PXDNL: variants seen among roughly 807,000 people sequenced by gnomAD.
PXDNL encodes the protein probable oxidoreductase PXDNL.
Under a neutral mutation model 150.8 loss-of-function variants are expected in PXDNL, and 145 were observed. The observed-to-expected ratio is 0.96, with a 90% CI of 0.84 to 1.10. The LOEUF (loss-of-function observed/expected upper bound fraction) is 1.10, where lower values mean the gene tolerates loss of function less well. Ranked by LOEUF, PXDNL falls within the 50% of genes least tolerant of loss-of-function variation. The pLI, the probability that PXDNL is intolerant of heterozygous loss-of-function variation, is 0.00. For synonymous variants in PXDNL, 757 were observed against 725.7 expected (o/e 1.04, Z -0.69); for missense variants, 2,087 against 1,873.9 (o/e 1.11, Z -2.10).
At chr8:51,522,417 G>A (rs1301584681) in intron 4 of PXDNL, among the ~76,000 whole-genome samples, 1 of 152,124 alleles carries the variant, frequency 6.6e-6, no homozygotes, top group African/African-American at 2.4e-5. Flanking sequence ...AGACTGGCAC[G>A]CTGAGCTCCA....
intron 21 of PXDNL, among the ~76,000 whole-genome samples, chr8:51,329,507 G>A (rs1805615869): frequency 1.3e-5 from 2 of 152,100 alleles, no homozygotes; most frequent in East Asian, 1.9e-4. Context: ...GTGCTCCAAA[G>A]GAAGGGAAAA....
At chr8:51,750,840 C>G (rs1176524863) in intron 1 of PXDNL, among the ~76,000 whole-genome samples, 2 of 152,260 alleles carry the variant, frequency 1.3e-5, no homozygotes, top group East Asian at 3.9e-4. Flanking sequence ...GTACTATCCG[C>G]GGTTTCGGGC....
chr8:51,567,413 C>T (rs1812852181), intron 3 of PXDNL, among the ~76,000 whole-genome samples: 1 of 151,822 alleles, frequency 6.6e-6, no homozygotes, highest in Non-Finnish European at 1.5e-5. Context: ...TTTCTTCTTG[C>T]AGCTCTAACA....
intron 1 of PXDNL, among the ~76,000 whole-genome samples, chr8:51,762,799 G>T (rs2037178829): frequency 6.6e-6 from 1 of 152,140 alleles, no homozygotes; most frequent in Non-Finnish European, 1.5e-5. Context: ...CTCATATTTG[G>T]CTCAGAATAA....
At chr8:51,681,482 G>A (rs981765805) in intron 1 of PXDNL, among the ~76,000 whole-genome samples, 1 of 152,196 alleles carries the variant, frequency 6.6e-6, no homozygotes. Context: ...GAGTCTACAT[G>A]CATCCTCTGG....
chr8:51,661,484 C>T (rs1337049246), intron 1 of PXDNL, among the ~76,000 whole-genome samples: 1 of 152,204 alleles, frequency 6.6e-6, no homozygotes, highest in African/African-American at 2.4e-5. Flanking sequence ...AGTTGGGCCT[C>T]ATCCAGTCAG....
At chr8:51,576,916 C>T (rs1179909556) in intron 3 of PXDNL, among the ~76,000 whole-genome samples, 1 of 151,784 alleles carries the variant, frequency 6.6e-6, no homozygotes, top group Non-Finnish European at 1.5e-5. Flanking sequence ...GGACAACTTC[C>T]TCAAAAAGCA....
intron 1 of PXDNL, among the ~76,000 whole-genome samples, chr8:51,789,995 T>C (rs2129254869): frequency 6.6e-6 from 1 of 152,328 alleles, no homozygotes; most frequent in South Asian, 2.1e-4. Flanking sequence ...CAATCTAAGA[T>C]GTAACAAGAC....
chr8:51,536,377 CTT>C (rs199878488), intron 4 of PXDNL, among the ~76,000 whole-genome samples: 7,207 of 152,174 alleles, frequency 0.047, 282 homozygotes, highest in East Asian at 0.22. Flanking sequence ...GTAATGTATG[CTT>C]AATTATATAC....
chr8:51,791,110 C>T (rs1563322401), intron 1 of PXDNL, among the ~76,000 whole-genome samples: 1 of 152,140 alleles, frequency 6.6e-6, no homozygotes, highest in Non-Finnish European at 1.5e-5. Context: ...CAAAGACACA[C>T]AGCTCATAAA....
At chr8:51,460,203 T>C (rs755908807) in intron 8 of PXDNL, among the ~76,000 whole-genome samples, 2 of 150,566 alleles carry the variant, frequency 1.3e-5, no homozygotes, top group Non-Finnish European at 3.0e-5. Flanking sequence ...GAACTATAAT[T>C]GTGCCACTGA....
At chr8:51,752,567 C>A (rs967894462) in intron 1 of PXDNL, among the ~76,000 whole-genome samples, 7 of 152,144 alleles carry the variant, frequency 4.6e-5, no homozygotes, top group Admixed American at 1.3e-4. Context: ...TAATACAGAT[C>A]ATGTATGCCA....
At position 51,409,165 on chromosome 8, in the gene PXDNL, G is replaced by T; in HGVS notation, c.2459C>A (p.Ala820Glu). The T allele has an allele frequency of 6.2e-7, 1 of 1,600,172 alleles. No homozygotes were observed. The highest frequency in any genetic ancestry group is 2.2e-5 in the East Asian group (1 of 44,536). ...LEHDLDHTVPALSTARFSDGR... is the reference protein window; with the variant it reads ...LEHDLDHTVPELSTARFSDGR... ...ATCCGAGAAGCGGGCTGTGCTCAGC[G>T]CAGGCACTGTGTGGTCCAAGTCGTG... The change falls in exon 17 of 23, where the codon GCG becomes GAG. Residue 820 changes from alanine (A) to glutamate (E), a missense_variant. By Grantham distance (107) the Ala-to-Glu change is moderately radical (BLOSUM62 -1). Transcript: ENST00000356297.
In PXDNL at chr8:51,556,923, A is replaced by G. The variant is rs1812613152; in HGVS notation, c.309-12T>C. On this transcript the variant is annotated splice_polypyrimidine_tract_variant and intron_variant, in intron 3 of 22. Transcript: ENST00000356297. ...TCTTATACAGGTACCTGGAAAATAT[A>G]TAGAATGTCATTAAATTATAAATTA... The G allele has an allele frequency of 7.1e-7, 1 of 1,416,254 alleles. No homozygotes were observed. Among genetic ancestry groups the G allele is most frequent in the Admixed American group, 1.7e-5 (1 of 58,906 alleles). The allele number at this position is 1,416,254 out of a possible 1,614,324, so 87.7% of individuals were successfully genotyped here.
Position 51,584,179 on chromosome 8 carries a change from A to G in PXDNL, c.308+8448T>C, listed in dbSNP as rs138343032. 1.0e-3 allele frequency among the ~76,000 whole-genome samples: 156 copies of G among 152,332 alleles called. 4 individuals are homozygous for G. The highest frequency in any genetic ancestry group is 3.5e-3 in the African/African-American group (146 of 41,576). On this transcript the variant is annotated intron_variant, in intron 3 of 22. Coordinates refer to ENST00000356297, the MANE Select transcript of PXDNL (RefSeq NM_144651.5). Reference sequence around the variant, plus strand: ...GATGGCAAATCTGTACAAGATGACAATCAGGATGCTTGATGAAAACGGATT... The same window carrying G: ...GATGGCAAATCTGTACAAGATGACAGTCAGGATGCTTGATGAAAACGGATT...
At chr8:51,684,669 C>T (rs987969406) in intron 1 of PXDNL, among the ~76,000 whole-genome samples, 1 of 152,164 alleles carries the variant, frequency 6.6e-6, no homozygotes, top group African/African-American at 2.4e-5. Flanking sequence ...ATTACATGAG[C>T]TCTTTAAATC....
chr8:51,705,270 A>T lies in PXDNL; in HGVS notation c.165-50510T>A, dbSNP rs536336506. On this transcript the variant is annotated intron_variant, in intron 1 of 22. Transcript: ENST00000356297. ...TTCTCTATGTCCGGGCTCTCTCTTC[A>T]CCTTAACATTTGAGAATAGCCCTCA... Among the ~76,000 whole-genome samples the T allele has an allele frequency of 7.6e-4, 116 of 152,212 alleles. 1 individual carries two copies. The South Asian group carries it at 0.024, about 31-fold the overall frequency.
chr8:51,806,783 C>T (rs1389351107), intron 1 of PXDNL, among the ~76,000 whole-genome samples: 1 of 152,134 alleles, frequency 6.6e-6, no homozygotes, highest in East Asian at 1.9e-4. Flanking sequence ...CCCCAAAGGC[C>T]ATCAATTAGC....
Position 51,672,064 on chromosome 8 carries a change from A to C in PXDNL, c.165-17304T>G, listed in dbSNP as rs112710153. ...TGTTGCCATCTCAGCTCACCACAAAATTCGCCTCCCAGGTTCAAGCGATTC... is the reference window on the plus strand; with the variant it reads ...TGTTGCCATCTCAGCTCACCACAAACTTCGCCTCCCAGGTTCAAGCGATTC... On this transcript the variant is annotated intron_variant, in intron 1 of 22. Coordinates refer to ENST00000356297, the MANE Select transcript of PXDNL (RefSeq NM_144651.5). Among the ~76,000 whole-genome samples the C allele has an allele frequency of 1.0e-3, 152 of 152,168 alleles. 1 individual carries two copies. Among genetic ancestry groups the C allele is most frequent in the African/African-American group, 3.4e-3 (142 of 41,500 alleles).
Sources: gnomAD v4.1 joint callset for allele counts (sites outside exome capture counted in the v4.1 genomes callset) on GRCh38, gnomAD v4.1.1 for gene constraint, MANE v1.5 for transcripts, NCBI Gene and HGNC (gene_info 2026-07-23, HGNC 2026-07-21) for gene names.